The following FHIP1A variants were observed in gnomAD, a reference collection of about 807,000 sequenced individuals.
The protein encoded by FHIP1A is FHF complex subunit HOOK interacting protein 1A, also known as FHF complex subunit HOOK-interacting protein 1A.
FHIP1A carries 61 observed loss-of-function variants against 88.6 expected under a neutral mutation model. The ratio of observed to expected loss-of-function variants is 0.69; its 90% CI spans 0.56 to 0.85. FHIP1A has a LOEUF of 0.85. FHIP1A is among the 40% of genes least tolerant of loss of function. FHIP1A has a pLI of 0.00. For missense variants in FHIP1A, 1,154 were observed against 1,273.5 expected, an observed-to-expected ratio of 0.91 and a Z score of 1.43; for synonymous variants, 478 against 496.0, an observed-to-expected ratio of 0.96 and a Z score of 0.48.
chr4:151,461,911 C>T (rs1473781847), intron 2 of FHIP1A, among the ~76,000 whole-genome samples: 1 of 152,208 alleles, frequency 6.6e-6, no homozygotes, highest in Non-Finnish European at 1.5e-5. Context: ...CGCCTGTAAT[C>T]CCACACTTTT....
intron 1 of FHIP1A, among the ~76,000 whole-genome samples, chr4:151,432,412 C>G (rs1016793579): frequency 1.3e-5 from 2 of 152,110 alleles, no homozygotes; most frequent in Non-Finnish European, 2.9e-5. Flanking sequence ...AGGCACTGTT[C>G]TAGGTGCTGA....
intron 7 of FHIP1A, among the ~76,000 whole-genome samples, chr4:151,590,542 T>A (rs1401273225): frequency 6.6e-6 from 1 of 152,230 alleles, no homozygotes; most frequent in Non-Finnish European, 1.5e-5. Context: ...CTTAATGTCT[T>A]CTCCACAGTG....
At chr4:151,503,466 TG>T (rs890660216) in intron 3 of FHIP1A, among the ~76,000 whole-genome samples, 1 of 152,198 alleles carries the variant, frequency 6.6e-6, no homozygotes, top group African/African-American at 2.4e-5. Context: ...GAGAGGTTTT[TG>T]GCTCTGGAGC....
chr4:151,446,167 A>T (rs1251543724), intron 1 of FHIP1A, among the ~76,000 whole-genome samples: 1 of 152,060 alleles, frequency 6.6e-6, no homozygotes, highest in African/African-American at 2.4e-5. Context: ...ACATGGTATG[A>T]TCAGACTTCT....
chr4:151,638,578 A>AT, intron 8 of FHIP1A, 99 bp from the exon 9 acceptor site: 11 of 631,954 alleles, frequency 1.7e-5, no homozygotes, highest in Non-Finnish European at 2.6e-5. Flanking sequence ...AAAAAAAAAA[A>AT]GGCCATTATA....
In FHIP1A at chr4:151,577,853, G is replaced by A. The variant is rs1324514047; in HGVS notation, c.509G>A (p.Cys170Tyr). ...CTGGTTGTCCTACTCAATCAGCTCT[G>A]TTCCATTCTTGCCAAAGATCCATCC... ...EKLVVLLNQL[C>Y]SILAKDPSIL... is the part of the protein sequence containing the mutation. The change falls in exon 5 of 14, where the codon TGT (cysteine) becomes TAT (tyrosine). Residue 170 changes from cysteine (C) to tyrosine (Y), a missense_variant. By Grantham distance (194) the Cys-to-Tyr change is radical. Transcript: ENST00000435205. The A allele has an allele frequency of 3.2e-6, 5 of 1,551,968 alleles. No homozygotes were observed. The South Asian group carries it at 5.9e-5, about 18-fold the overall frequency.
At chr4:151,572,573 A>T (rs1192539698) in intron 4 of FHIP1A, among the ~76,000 whole-genome samples, 1 of 152,232 alleles carries the variant, frequency 6.6e-6, no homozygotes, top group Non-Finnish European at 1.5e-5. Context: ...CAAGGACTGT[A>T]TGGAAACTTT....
At chr4:151,642,009 A>G (rs1736605532) in intron 9 of FHIP1A, among the ~76,000 whole-genome samples, 1 of 152,258 alleles carries the variant, frequency 6.6e-6, no homozygotes. Context: ...ATAAATACCA[A>G]CATTTCAAAA....
In FHIP1A at chr4:151,586,665, C is replaced by G. The variant is rs959673485; in HGVS notation, c.757C>G (p.Leu253Val). The G allele has an allele frequency of 2.6e-6, 4 of 1,550,210 alleles. No homozygotes were observed. The highest frequency in any genetic ancestry group is 3.5e-6 in the Non-Finnish European group (4 of 1,145,936). Reference protein sequence around the residue: ...CPVLATGLSGLYSSLPTKLEE... With the variant: ...CPVLATGLSGVYSSLPTKLEE... ...GGTACTTGCAACTGGGCTCAGTGGT[C>G]TCTACTCTTCCCTGCCTACAAAGCT... Residue 253 changes from leucine (L) to valine (V), a missense_variant, in exon 6 of 14, where the codon CTC becomes GTC. Transcript: ENST00000435205.
At chr4:151,480,325 G>A (rs945650758) in intron 2 of FHIP1A, among the ~76,000 whole-genome samples, 1 of 152,060 alleles carries the variant, frequency 6.6e-6, no homozygotes, top group South Asian at 2.1e-4. Context: ...ATGTGTGCGA[G>A]TGCCTAAAAT....
At chr4:151,520,401 C>T (rs943332952) in intron 3 of FHIP1A, among the ~76,000 whole-genome samples, 1 of 152,010 alleles carries the variant, frequency 6.6e-6, no homozygotes, top group East Asian at 1.9e-4. Flanking sequence ...TCTTTCTGTT[C>T]TATTGATCTA....
intron 2 of FHIP1A, among the ~76,000 whole-genome samples, chr4:151,475,693 A>G (rs1401388776): frequency 6.6e-6 from 1 of 152,180 alleles, no homozygotes; most frequent in African/African-American, 2.4e-5. Flanking sequence ...TGCTTAGGAA[A>G]TAACTTGCTT....
At chr4:151,446,311 A>T (rs1334745668) in intron 1 of FHIP1A, among the ~76,000 whole-genome samples, 3 of 152,152 alleles carry the variant, frequency 2.0e-5, no homozygotes, top group Admixed American at 6.6e-5. Flanking sequence ...TCATATGGCT[A>T]CTAACCTTTC....
chr4:151,662,464 T>TG, intron 13 of FHIP1A, 37 bp from the exon 14 acceptor site: 1 of 1,489,522 alleles, frequency 6.7e-7, no homozygotes, highest in Non-Finnish European at 9.0e-7. Flanking sequence ...TAGAAGGCTA[T>TG]GGAGGGACAC....
At chr4:151,583,754 G>T (rs1734108733) in intron 5 of FHIP1A, among the ~76,000 whole-genome samples, 1 of 152,218 alleles carries the variant, frequency 6.6e-6, no homozygotes, top group African/African-American at 2.4e-5. Flanking sequence ...GTGGCATCAA[G>T]ATTAGATTTC....
chr4:151,551,581 G>A (rs554432746), intron 3 of FHIP1A, among the ~76,000 whole-genome samples: 1 of 152,184 alleles, frequency 6.6e-6, no homozygotes, highest in African/African-American at 2.4e-5. Context: ...CAAGAAATGG[G>A]GAAAGGATTC....
Position 151,586,654 on chromosome 4 carries a change from G to T in FHIP1A, c.746G>T (p.Gly249Val), listed in dbSNP as rs543340597. The T allele has an allele frequency of 1.6e-5, 24 of 1,544,658 alleles. No individual in the cohort carries two copies. The African/African-American group carries it at 1.6e-4, about 11-fold the overall frequency. The change falls in exon 6 of 14, where the codon GGG becomes GTG. Residue 249 changes from glycine (G) to valine (V), a missense_variant. Physicochemically the swap from Gly to Val is moderately radical, Grantham distance 109. Coordinates refer to ENST00000435205, the MANE Select transcript of FHIP1A (RefSeq NM_001109977.3). ...TTCTGAACACAGGTACTTGCAACTG[G>T]GCTCAGTGGTCTCTACTCTTCCCTG... is the stretch of plus-strand genomic sequence containing the variant. ...NTYFCPVLAT[G>V]LSGLYSSLPT...
At chr4:151,652,245 T>C (rs1737057854) in intron 11 of FHIP1A, among the ~76,000 whole-genome samples, 1 of 152,162 alleles carries the variant, frequency 6.6e-6, no homozygotes, top group Admixed American at 6.5e-5. Context: ...TGACAAAACA[T>C]ACTACAAGCT....
intron 3 of FHIP1A, among the ~76,000 whole-genome samples, chr4:151,512,207 A>G (rs1038960097): frequency 2.0e-5 from 3 of 152,224 alleles, no homozygotes; most frequent in African/African-American, 7.2e-5. Context: ...GCAAACTCCA[A>G]CAGACCTGCA....
Sources: gnomAD v4.1 joint callset for allele counts (sites outside exome capture counted in the v4.1 genomes callset) on GRCh38, gnomAD v4.1.1 for gene constraint, MANE v1.5 for transcripts, NCBI Gene and HGNC (gene_info 2026-07-23, HGNC 2026-07-21) for gene names.